The following PDE3B variants were observed in gnomAD, a reference collection of about 807,000 sequenced individuals.
PDE3B encodes phosphodiesterase 3B.
In PDE3B, 66 loss-of-function variants were observed where a neutral mutation model predicts 116.8. The ratio of observed to expected loss-of-function variants is 0.56; its 90% CI spans 0.46 to 0.69. PDE3B has a LOEUF of 0.69. Among genes scored for constraint, PDE3B ranks in the 30% least tolerant of loss-of-function variants. The pLI is 0.00. For missense variants in PDE3B, 1,384 were observed against 1,368.1 expected (o/e 1.01, Z -0.18); for synonymous variants, 595 against 533.6 (o/e 1.12, Z -1.59).
intron 1 of PDE3B, among the ~76,000 whole-genome samples, chr11:14,686,811 T>G (rs921285859): frequency 3.3e-5 from 5 of 152,156 alleles, no homozygotes; most frequent in African/African-American, 1.2e-4. Flanking sequence ...CCTCCTGGGT[T>G]CATGCCATTC....
At chr11:14,754,328 ACTC>A (rs1857129175) in intron 1 of PDE3B, among the ~76,000 whole-genome samples, 1 of 152,052 alleles carries the variant, frequency 6.6e-6, no homozygotes, top group Non-Finnish European at 1.5e-5. Flanking sequence ...AATCAAGAGA[ACTC>A]ATTATTATTA....
the PDE3B span, chr11:14,886,175 G>C: frequency 2.1e-6 from 1 of 476,988 alleles, no homozygotes; most frequent in Non-Finnish European, 3.8e-6. Flanking sequence ...CTGGACTCGG[G>C]AGGCCTGGGT....
intron 1 of PDE3B, among the ~76,000 whole-genome samples, chr11:14,734,032 T>C (rs1412798966): frequency 1.3e-5 from 2 of 152,178 alleles, no homozygotes; most frequent in African/African-American, 2.4e-5. Context: ...GTCAAACATA[T>C]TGTTTCTTCC....
rs1853267312 is a variant in PDE3B at position 14,643,868 on chromosome 11, T to C, written c.-208T>C. The stretch of plus-strand genomic sequence containing the variant: ...AAACTGGTCCTGGAGAGAAGCCCCT[T>C]CCGCCCCTCTCCTCAGCCAGCATGT... On this transcript the variant is annotated 5_prime_UTR_variant, in exon 1 of 16. Coordinates refer to ENST00000282096, the MANE Select transcript of PDE3B (RefSeq NM_000922.4). 6.2e-6 allele frequency: 4 copies of C among 641,820 alleles called. No homozygotes were observed. The South Asian group carries it at 9.6e-5, about 15-fold the overall frequency. 39.8% of individuals were successfully genotyped at this position (641,820 alleles called of 1,614,324 possible).
chr11:14,732,741 C>T (rs576187439), intron 1 of PDE3B, among the ~76,000 whole-genome samples: 1 of 152,138 alleles, frequency 6.6e-6, no homozygotes, highest in African/African-American at 2.4e-5. Flanking sequence ...GCAGAACCCA[C>T]GTATACAAGT....
Position 14,755,063 on chromosome 11 carries a change from C to A in PDE3B, c.979-16874C>A, listed in dbSNP as rs528895926. On this transcript the variant is annotated intron_variant, in intron 1 of 15. Coordinates refer to ENST00000282096, the MANE Select transcript of PDE3B (RefSeq NM_000922.4). The stretch of plus-strand genomic sequence containing the variant: ...TGACTTTGGAAGTTAACTTTTGCTG[C>A]AGACTTGATAAATCCATCCTAAAGT... Among the ~76,000 whole-genome samples the A allele has an allele frequency of 3.9e-5, 6 of 152,284 alleles. No homozygotes were observed. In the South Asian group the frequency reaches 1.2e-3, roughly 32 times the overall value.
At chr11:14,725,371 C>G (rs970586871) in intron 1 of PDE3B, among the ~76,000 whole-genome samples, 2 of 142,828 alleles carry the variant, frequency 1.4e-5, no homozygotes, top group African/African-American at 5.2e-5. Context: ...CTCTCTTTCT[C>G]CTTTCTTCCT....
At chr11:14,756,140 T>C (rs955905076) in intron 1 of PDE3B, among the ~76,000 whole-genome samples, 16 of 152,200 alleles carry the variant, frequency 1.1e-4, no homozygotes, top group African/African-American at 3.9e-4. Context: ...ATTTTCCATC[T>C]AGTGTTCTTT....
chr11:14,860,560 A>AT (rs1234721014), intron 13 of PDE3B, among the ~76,000 whole-genome samples: 1 of 152,046 alleles, frequency 6.6e-6, no homozygotes, highest in Non-Finnish European at 1.5e-5. Flanking sequence ...TGAACAAGGC[A>AT]TTTTTTCATT....
intron 1 of PDE3B, among the ~76,000 whole-genome samples, chr11:14,693,825 A>T (rs1180750672): frequency 6.6e-6 from 1 of 152,180 alleles, no homozygotes; most frequent in African/African-American, 2.4e-5. Flanking sequence ...TTCAAATCTT[A>T]TTATTTCAGA....
intron 12 of PDE3B, among the ~76,000 whole-genome samples, chr11:14,856,824 A>G (rs1457521002): frequency 6.6e-6 from 1 of 151,230 alleles, no homozygotes; most frequent in Non-Finnish European, 1.5e-5. Flanking sequence ...ACTGCACTCT[A>G]GCCTGGGCAA....
At chr11:14,756,924 G>A (rs2133882175) in intron 1 of PDE3B, among the ~76,000 whole-genome samples, 1 of 149,204 alleles carries the variant, frequency 6.7e-6, no homozygotes, top group Non-Finnish European at 1.5e-5. Context: ...CTAGCATTAG[G>A]TATATCTCCC....
chr11:14,748,633 T>C (rs1856976938), intron 1 of PDE3B, among the ~76,000 whole-genome samples: 1 of 152,200 alleles, frequency 6.6e-6, no homozygotes, highest in Admixed American at 6.5e-5. Flanking sequence ...GTTATTACAC[T>C]GATTCTTTAA....
chr11:14,696,337 G>T (rs1366310586), intron 1 of PDE3B, among the ~76,000 whole-genome samples: 1 of 152,058 alleles, frequency 6.6e-6, no homozygotes, highest in African/African-American at 2.4e-5. Flanking sequence ...CATATCCTTT[G>T]TAGGGTAGGT....
At chr11:14,892,557 A>C in the PDE3B span, among the ~76,000 whole-genome samples, 1 of 152,178 alleles carries the variant, frequency 6.6e-6, no homozygotes, top group African/African-American at 2.4e-5. Flanking sequence ...CTGGGGCCAG[A>C]CCTTTCTTAA....
chr11:14,721,657 A>C (rs1299692135), intron 1 of PDE3B, among the ~76,000 whole-genome samples: 1 of 140,702 alleles, frequency 7.1e-6, no homozygotes, highest in South Asian at 2.4e-4. Flanking sequence ...CATCATTCTC[A>C]GTAAACTATC....
intron 1 of PDE3B, among the ~76,000 whole-genome samples, chr11:14,730,849 C>G (rs1590097955): frequency 2.0e-5 from 3 of 152,278 alleles, no homozygotes; most frequent in African/African-American, 7.2e-5. Flanking sequence ...ACCTCTGTCA[C>G]TCTGTCATCA....
intron 1 of PDE3B, among the ~76,000 whole-genome samples, chr11:14,755,790 C>T (rs986719084): frequency 3.9e-5 from 6 of 152,078 alleles, no homozygotes; most frequent in African/African-American, 1.4e-4. Context: ...TACATAATAA[C>T]CTTGATTTTG....
At chr11:14,820,159 A>G (rs948586733) in intron 7 of PDE3B, among the ~76,000 whole-genome samples, 3 of 152,134 alleles carry the variant, frequency 2.0e-5, no homozygotes, top group African/African-American at 7.2e-5. Context: ...AACAAATAAA[A>G]TAAAATAAAA....
Sources: allele counts gnomAD v4.1 joint callset (sites outside exome capture counted in the v4.1 genomes callset), GRCh38; gene constraint gnomAD v4.1.1; transcripts MANE v1.5; gene names NCBI Gene and HGNC (gene_info 2026-07-23, HGNC 2026-07-21).